SLC30A7: variants seen among roughly 807,000 people sequenced by gnomAD.
SLC30A7 encodes solute carrier family 30 member 7.
SLC30A7 carries 35 observed loss-of-function variants against 46.0 expected under a neutral mutation model. That is an observed-to-expected ratio of 0.76 (90% CI 0.58 to 1.01). The LOEUF is 1.01. Among genes scored for constraint, SLC30A7 ranks in the 50% least tolerant of loss-of-function variants. The probability of loss-of-function intolerance (pLI) is 0.00; values close to 1 mark genes in which losing one functional copy is unlikely to be tolerated. For synonymous variants in SLC30A7, 147 were observed against 157.8 expected (o/e 0.93, Z 0.51); for missense variants, 464 against 451.1 (o/e 1.03, Z -0.26).
intron 8 of SLC30A7, among the ~76,000 whole-genome samples, chr1:100,960,234 T>C (rs1232918198): frequency 1.3e-5 from 2 of 152,204 alleles, no homozygotes; most frequent in African/African-American, 4.8e-5. Context: ...ACACCAGTTA[T>C]TTCTATTTGC....
intron 6 of SLC30A7, among the ~76,000 whole-genome samples, chr1:100,915,189 T>TTCTTTCTTTCCCTCCCTCCCTTCCTCCC (rs1652417353): frequency 1.2e-5 from 1 of 82,912 alleles, no homozygotes. Flanking sequence ...TTTTCTTTTC[T>TTCTTTCTTTCCCTCCCTCCCTTCCTCCC]TTCTTTTCTT....
At chr1:100,974,777 G>A (rs753127563) in intron 10 of SLC30A7, 33 bp from the exon 11 acceptor site, 172 of 1,553,672 alleles carry the variant, frequency 1.1e-4, no homozygotes, top group Non-Finnish European at 1.5e-4. Flanking sequence ...TAGCTTGTTA[G>A]ATTTTCTAAC....
At position 100,914,901 on chromosome 1, in the gene SLC30A7, C is replaced by T. The variant is rs139706913; in HGVS notation, c.655+1095C>T. On this transcript the variant is annotated intron_variant, in intron 6 of 10. Transcript: ENST00000357650. ...TAGCTGAGATCACGCTACTGCACTC[C>T]AGCCTGGACAATAGAGCTAGACTCT... Among the ~76,000 whole-genome samples, 376 of 151,866 alleles carry T rather than the reference C, an allele frequency of 2.5e-3. 1 individual carries two copies. Among genetic ancestry groups the T allele is most frequent in the African/African-American group, 8.6e-3 (357 of 41,418 alleles).
rs115910455 is a variant in SLC30A7 at position 100,922,646 on chromosome 1, G to A, written c.842+805G>A. 5.6e-3 allele frequency among the ~76,000 whole-genome samples: 846 copies of A among 152,244 alleles called. 2 individuals carry two copies. The highest frequency in any genetic ancestry group is 0.02 in the African/African-American group (819 of 41,544). ...AAATTCTTGAGGAAGCATCTGCCTCGTAGCTCTTTATCTTTCTATTTCCTA... is the reference window on the plus strand; with the variant it reads ...AAATTCTTGAGGAAGCATCTGCCTCATAGCTCTTTATCTTTCTATTTCCTA... On this transcript the variant is annotated intron_variant, in intron 8 of 10. Transcript: ENST00000357650.
rs1216789148 is a variant in SLC30A7, at chr1:100,912,224, A to C, written c.497A>C (p.His166Pro). The C allele has an allele frequency of 1.2e-6, 2 of 1,613,958 alleles. No homozygotes were observed. Among genetic ancestry groups the C allele is most frequent in the South Asian group, 2.2e-5 (2 of 91,028 alleles). The stretch of plus-strand genomic sequence containing the variant: ...GTTTTCAAACATGGAGGTCATGGAC[A>C]TTCTCATGGCTCTGGTATGATGGTT... ...IFVFKHGGHGHSHGSGHGHSH... is the reference protein window; with the variant it reads ...IFVFKHGGHGPSHGSGHGHSH... The change falls in exon 5 of 11, where the codon CAT becomes CCT. Residue 166 changes from histidine (H) to proline (P), a missense_variant. Coordinates refer to ENST00000357650, the MANE Select transcript of SLC30A7 (RefSeq NM_133496.5).
intron 7 of SLC30A7, among the ~76,000 whole-genome samples, chr1:100,920,953 C>T (rs1479561718): frequency 6.6e-6 from 1 of 151,952 alleles, no homozygotes; most frequent in Non-Finnish European, 1.5e-5. Context: ...TGAGTTTTTT[C>T]AGAAAGTATT....
rs924745003 is a variant in SLC30A7 at position 100,980,930 on chromosome 1, T to G, written c.*6073T>G. The G allele has an allele frequency of 3.9e-5, 6 of 152,236 alleles. No individual in the cohort carries two copies. The highest frequency in any genetic ancestry group is 2.6e-4 in the Admixed American group (4 of 15,288). 9.4% of individuals were successfully genotyped at this position (152,236 alleles called of 1,614,324 possible). ...ATTGTCATCCAAAATGAAAGAGGTC[T>G]TTCTTGAAGGTGCTTTAAAGACATC... On this transcript the variant is annotated 3_prime_UTR_variant, in exon 11 of 11. Coordinates refer to ENST00000357650, the MANE Select transcript of SLC30A7 (RefSeq NM_133496.5).
intron 10 of SLC30A7, 63 bp from the exon 11 acceptor site, chr1:100,974,747 T>G (rs942016218): frequency 8.3e-7 from 1 of 1,197,856 alleles, no homozygotes; most frequent in Non-Finnish European, 1.1e-6. Context: ...AATACTTTCC[T>G]GAAATGTGTA....
chr1:100,907,940 T>G (rs1259313128), intron 3 of SLC30A7, among the ~76,000 whole-genome samples: 1 of 152,068 alleles, frequency 6.6e-6, no homozygotes, highest in East Asian at 1.9e-4. Flanking sequence ...CTTTCCTGTC[T>G]TATTCTTTGT....
intron 8 of SLC30A7, among the ~76,000 whole-genome samples, chr1:100,950,245 T>C (rs1055862174): frequency 7.2e-5 from 11 of 152,244 alleles, no homozygotes; most frequent in African/African-American, 2.7e-4. Flanking sequence ...TGAATTCCAG[T>C]CATACCTCAG....
At chr1:100,954,384 G>A (rs956753526) in intron 8 of SLC30A7, among the ~76,000 whole-genome samples, 2 of 152,008 alleles carry the variant, frequency 1.3e-5, no homozygotes, top group South Asian at 4.2e-4. Flanking sequence ...GGTTACTTAA[G>A]GTTGTTGTGA....
At chr1:100,961,402 C>A (rs1416236413) in intron 8 of SLC30A7, among the ~76,000 whole-genome samples, 1 of 152,160 alleles carries the variant, frequency 6.6e-6, no homozygotes, top group Admixed American at 6.5e-5. Context: ...CTGTGGTTAT[C>A]GCCAGGCTTC....
At chr1:100,964,587 C>T (rs1048608855) in intron 9 of SLC30A7, among the ~76,000 whole-genome samples, 3 of 152,014 alleles carry the variant, frequency 2.0e-5, no homozygotes, top group African/African-American at 7.2e-5. Flanking sequence ...TATCACACTG[C>T]CCTTTTCATC....
intron 8 of SLC30A7, among the ~76,000 whole-genome samples, chr1:100,929,808 A>G (rs751411434): frequency 2.9e-4 from 44 of 152,098 alleles, no homozygotes; most frequent in African/African-American, 7.7e-4. Context: ...TTGTTTTGCA[A>G]TGAAAAACAG....
downstream of SLC30A7, among the ~76,000 whole-genome samples, chr1:100,986,748 C>CTACT (rs1657292561): frequency 6.6e-6 from 1 of 152,112 alleles, no homozygotes; most frequent in Non-Finnish European, 1.5e-5. Context: ...TGAGAGAACA[C>CTACT]TACTTAGCAA....
intron 8 of SLC30A7, among the ~76,000 whole-genome samples, chr1:100,953,054 A>G (rs1423436912): frequency 6.6e-6 from 1 of 151,168 alleles, no homozygotes; most frequent in Non-Finnish European, 1.5e-5. Flanking sequence ...GTGAGTTCTC[A>G]TGAGATCTGA....
chr1:100,945,562 G>T (rs1242141280), intron 8 of SLC30A7, among the ~76,000 whole-genome samples: 2 of 151,946 alleles, frequency 1.3e-5, no homozygotes, highest in Non-Finnish European at 2.9e-5. Context: ...CCCATTTCTT[G>T]TTTTTTTCAG....
At chr1:100,951,483 T>C (rs111851808) in intron 8 of SLC30A7, among the ~76,000 whole-genome samples, 200 of 152,282 alleles carry the variant, frequency 1.3e-3, no homozygotes, top group African/African-American at 4.5e-3. Context: ...ACCCTCCAAG[T>C]CTCGTAGTTG....
rs548852101 is a variant in SLC30A7, at chr1:100,915,822, T to A, written c.655+2016T>A. Among the ~76,000 whole-genome samples, 4 of 152,280 alleles carry A rather than the reference T, an allele frequency of 2.6e-5. No individual in the cohort carries two copies. The Middle Eastern group carries it at 0.014, about 518-fold the overall frequency. ...GTTTGCTGATCATACGGTAGTTCCA[T>A]TATTGTTTTTTTGAGGACCCTCCAT... On this transcript the variant is annotated intron_variant, in intron 6 of 10. Transcript: ENST00000357650.
Sources: allele counts gnomAD v4.1 joint callset (sites outside exome capture counted in the v4.1 genomes callset), GRCh38; gene constraint gnomAD v4.1.1; transcripts MANE v1.5; gene names NCBI Gene and HGNC (gene_info 2026-07-23, HGNC 2026-07-21).